DRC4: variants seen among roughly 807,000 people sequenced by gnomAD.
The protein encoded by DRC4 is GAS-11.
At chr16:90,019,714 T>G in the DRC4 span, 1 of 610,616 alleles carries the variant, frequency 1.6e-6, no homozygotes, top group Non-Finnish European at 2.9e-6. This position sits in a 1 kb window ranked among gnomAD's most constrained non-coding sequence, Gnocchi z 6.1. Context: ...CGTCCGGGGC[T>G]CCTGCGCACT....
the DRC4 span, among the ~76,000 whole-genome samples, chr16:90,027,411 TCTC>T: frequency 7.9e-5 from 12 of 152,286 alleles, no homozygotes; most frequent in African/African-American, 2.9e-4. Flanking sequence ...GAAGGAATGT[TCTC>T]CTTCTCAAAA....
At chr16:90,043,418 A>G in the DRC4 span, 1 of 1,391,308 alleles carries the variant, frequency 7.2e-7, no homozygotes, top group Non-Finnish European at 9.8e-7. Context: ...TATCACACCA[A>G]GGACAGCAAG....
the DRC4 span, chr16:90,035,499 A>G: frequency 9.0e-7 from 1 of 1,107,628 alleles, no homozygotes; most frequent in African/African-American, 1.5e-5. Flanking sequence ...TCAAGCTTAG[A>G]GGTGACTTTA....
chr16:90,032,817 G>A, the DRC4 span: 1 of 1,613,944 alleles, frequency 6.2e-7, no homozygotes, highest in Non-Finnish European at 8.5e-7. Context: ...GGCACAGAAA[G>A]AGCACCGCAT....
the DRC4 span, chr16:90,031,237 CG>C: frequency 6.2e-7 from 1 of 1,603,536 alleles, no homozygotes; most frequent in East Asian, 2.2e-5. Context: ...GCCGGCCACA[CG>C]CCCCGTTGCC....
At chr16:90,027,732 G>A in the DRC4 span, 1 of 1,613,986 alleles carries the variant, frequency 6.2e-7, no homozygotes, top group Admixed American at 1.7e-5. Flanking sequence ...GGTGAGCAGA[G>A]CGGGCTGTGG....
chr16:90,031,893 A>G, the DRC4 span, among the ~76,000 whole-genome samples: 27 of 152,102 alleles, frequency 1.8e-4, no homozygotes, highest in Non-Finnish European at 3.2e-4. Context: ...GCAAGTGAGC[A>G]TGTGTGTGCA....
chr16:90,036,009 C>T, the DRC4 span: 1 of 991,710 alleles, frequency 1.0e-6, no homozygotes, highest in Non-Finnish European at 1.4e-6. Flanking sequence ...GGCTCCTGGT[C>T]TGAGAAGGCT....
At chr16:90,030,189 G>C in the DRC4 span, among the ~76,000 whole-genome samples, 1 of 151,802 alleles carries the variant, frequency 6.6e-6, no homozygotes, top group East Asian at 1.9e-4. Context: ...TATATTTTTT[G>C]CTTAACATTA....
At chr16:90,022,525 C>A in the DRC4 span, 19 of 503,052 alleles carry the variant, frequency 3.8e-5, no homozygotes, top group African/African-American at 2.8e-4. Flanking sequence ...ATTTTCCCAA[C>A]GTTCACAACC....
the DRC4 span, chr16:90,037,539 G>T: frequency 4.5e-6 from 5 of 1,099,042 alleles, no homozygotes; most frequent in South Asian, 6.3e-5. Flanking sequence ...TCTCTGCCTC[G>T]TGTTCTCCTG....
At chr16:90,037,408 C>T in the DRC4 span, 1 of 1,605,860 alleles carries the variant, frequency 6.2e-7, no homozygotes, top group Non-Finnish European at 8.5e-7. Context: ...TTGTGAGTTT[C>T]CCGCTGGATT....
chr16:90,038,935 T>C, the DRC4 span, among the ~76,000 whole-genome samples: 1 of 152,234 alleles, frequency 6.6e-6, no homozygotes, highest in Non-Finnish European at 1.5e-5. Context: ...CGCAGTTATA[T>C]GTGCTGTTTT....
At chr16:90,037,681 C>T in the DRC4 span, 1 of 1,387,530 alleles carries the variant, frequency 7.2e-7, no homozygotes, top group Middle Eastern at 1.8e-4. Context: ...TTTGGCCTTG[C>T]CATCTCCCAG....
chr16:90,020,192 C>G, the DRC4 span: 1 of 496,690 alleles, frequency 2.0e-6, no homozygotes, highest in Non-Finnish European at 3.6e-6. Flanking sequence ...AAAGAAAGTC[C>G]GTTTGCAGGA....
At chr16:90,023,783 G>C in the DRC4 span, among the ~76,000 whole-genome samples, 1 of 150,766 alleles carries the variant, frequency 6.6e-6, no homozygotes. Flanking sequence ...CATGAGGTCA[G>C]GAGATCCAGA....
At chr16:90,033,042 C>A in the DRC4 span, 1 of 1,046,132 alleles carries the variant, frequency 9.6e-7, no homozygotes, top group South Asian at 1.6e-5. Context: ...ATAAGACTTT[C>A]TGCATTTTTG....
chr16:90,035,523 A>G, the DRC4 span: 1 of 1,379,096 alleles, frequency 7.3e-7, no homozygotes, highest in East Asian at 2.3e-5. Flanking sequence ...GAGGGAGGTG[A>G]GTTAGGGAAT....
the DRC4 span, chr16:90,032,941 C>A: frequency 6.2e-7 from 1 of 1,604,364 alleles, no homozygotes; most frequent in East Asian, 2.3e-5. Flanking sequence ...GTGGCGGGGG[C>A]ACCTGGAGGC....
Sources: allele counts gnomAD v4.1 joint callset (sites outside exome capture counted in the v4.1 genomes callset), GRCh38; gene constraint gnomAD v4.1.1; non-coding constraint Gnocchi (gnomAD v3.1); transcripts MANE v1.5; gene names NCBI Gene and HGNC (gene_info 2026-07-23, HGNC 2026-07-21).